CENPU: variants seen among roughly 807,000 people sequenced by gnomAD.
CENPU encodes centromere protein U, also known as KSHV latent nuclear antigen interacting protein 1.
In CENPU, 46 loss-of-function variants were observed where a neutral mutation model predicts 56.7. That is an observed-to-expected ratio of 0.81 (90% CI 0.64 to 1.04). CENPU has a LOEUF of 1.04. Among genes scored for constraint, CENPU ranks in the 50% least tolerant of loss-of-function variants. The pLI is 0.00. For missense variants in CENPU, 510 were observed against 490.1 expected, an observed-to-expected ratio of 1.04 and a Z score of -0.38; for synonymous variants, 166 against 163.0, an observed-to-expected ratio of 1.02 and a Z score of -0.14.
Position 184,694,508 on chromosome 4 carries a change from C to A in CENPU, c.*780G>T. On this transcript the variant is annotated 3_prime_UTR_variant, in exon 13 of 13. Transcript: ENST00000281453. ...TCCTATCCCACTCTCTATCCCTTCACCACTGAAATAAAGGAAGAAGAGTTT... is the reference window on the plus strand; with the variant it reads ...TCCTATCCCACTCTCTATCCCTTCAACACTGAAATAAAGGAAGAAGAGTTT... 6.2e-7 allele frequency: 1 copy of A among 1,608,118 alleles called. No individual in the cohort carries two copies. Among genetic ancestry groups the A allele is most frequent in the Non-Finnish European group, 8.5e-7 (1 of 1,175,492 alleles).
intron 1 of CENPU, among the ~76,000 whole-genome samples, chr4:184,732,740 AT>A (rs1761693767): frequency 6.6e-6 from 1 of 152,218 alleles, no homozygotes; most frequent in African/African-American, 2.4e-5. Context: ...GCGGTGGCTC[AT>A]GCCTGTAATC....
At chr4:184,706,233 G>A (rs1031127826) in intron 8 of CENPU, among the ~76,000 whole-genome samples, 10 of 152,168 alleles carry the variant, frequency 6.6e-5, no homozygotes, top group African/African-American at 2.2e-4. Flanking sequence ...GCCAGTCATG[G>A]TGGCACATGC....
intron 3 of CENPU, among the ~76,000 whole-genome samples, chr4:184,727,983 G>T (rs1761516020): frequency 6.6e-6 from 1 of 152,202 alleles, no homozygotes; most frequent in African/African-American, 2.4e-5. Flanking sequence ...GGGCTTGAAG[G>T]AAGGGGGAAG....
chr4:184,704,725 C>T (rs1337467108), intron 8 of CENPU, among the ~76,000 whole-genome samples: 3 of 152,056 alleles, frequency 2.0e-5, no homozygotes, highest in Non-Finnish European at 2.9e-5. Context: ...ATGAGGTACC[C>T]AGAACAGTTA....
rs1022663932 is a variant in CENPU, at chr4:184,734,058, G to C, written c.5C>G (p.Ala2Gly). The change falls in exon 1 of 13, where the codon GCC becomes GGC. Residue 2 changes from alanine to glycine, a missense_variant. Transcript: ENST00000281453. M[A>G]PRGRRRPRPH... ...CCGCGGCCGCCGCCGCCCCCGCGGG[G>C]CCATGGTGCCGCTCTCCGCTCTCGA... 1.3e-6 allele frequency: 2 copies of C among 1,561,216 alleles called. No individual in the cohort carries two copies. The highest frequency in any genetic ancestry group is 1.7e-6 in the Non-Finnish European group (2 of 1,154,856).
intron 7 of CENPU, 148 bp downstream of exon 7, chr4:184,712,796 A>G (rs978202538): frequency 1.1e-4 from 66 of 577,424 alleles, no homozygotes; most frequent in Non-Finnish European, 3.3e-5. Flanking sequence ...TTAGAAAAAA[A>G]TGTTACTCCA....
rs1380473900 is a variant in CENPU at position 184,694,652 on chromosome 4, A to C, written c.*636T>G. The C allele has an allele frequency of 6.2e-7, 1 of 1,614,158 alleles. No homozygotes were observed. Among genetic ancestry groups the C allele is most frequent in the Non-Finnish European group, 8.5e-7 (1 of 1,180,014 alleles). ...GCTGTCTGGGATAATGGCATTGATGATGCTTATTTTTTAGAAGCTACTGAA... is the reference window on the plus strand; with the variant it reads ...GCTGTCTGGGATAATGGCATTGATGCTGCTTATTTTTTAGAAGCTACTGAA... On this transcript the variant is annotated 3_prime_UTR_variant, in exon 13 of 13. Transcript: ENST00000281453.
chr4:184,731,224 T>C (rs1412866880), intron 1 of CENPU, among the ~76,000 whole-genome samples: 1 of 152,214 alleles, frequency 6.6e-6, no homozygotes, highest in Non-Finnish European at 1.5e-5. Flanking sequence ...AGTGATTGAC[T>C]TTCTCTGCAC....
At chr4:184,703,839 G>A (rs972476444) in intron 8 of CENPU, among the ~76,000 whole-genome samples, 6 of 152,210 alleles carry the variant, frequency 3.9e-5, no homozygotes, top group Non-Finnish European at 7.3e-5. Context: ...AGTCAACGAT[G>A]GATGGCACAT....
chr4:184,731,889 G>GTGTGTGTGTA (rs1761661086), intron 1 of CENPU, among the ~76,000 whole-genome samples: 1 of 150,954 alleles, frequency 6.6e-6, no homozygotes, highest in African/African-American at 2.5e-5. Flanking sequence ...TGCTCTGTGT[G>GTGTGTGTGTA]TGTGTGTGTG....
At chr4:184,723,678 C>T (rs1297905738) in intron 4 of CENPU, among the ~76,000 whole-genome samples, 1 of 151,368 alleles carries the variant, frequency 6.6e-6, no homozygotes, top group Non-Finnish European at 1.5e-5. Context: ...TCCATCTCTA[C>T]TAAAAAATAC....
At chr4:184,703,981 T>C (rs1760633763) in intron 8 of CENPU, among the ~76,000 whole-genome samples, 1 of 152,202 alleles carries the variant, frequency 6.6e-6, no homozygotes. Context: ...AACAAACCTA[T>C]AGTGTTGCCT....
rs533179194 is a variant in CENPU at position 184,710,166 on chromosome 4, C to T, written c.703G>A (p.Val235Met). The change falls in exon 8 of 13, where the codon GTG becomes ATG. Residue 235 changes from valine to methionine, a missense_variant. Coordinates refer to ENST00000281453, the MANE Select transcript of CENPU (RefSeq NM_024629.4). The stretch of plus-strand genomic sequence containing the variant: ...ATTCCTTCTGGACACCAAATGTGCA[C>T]AATGTCAGAAGTATCTAAAATATTA... ...KAIGSDTSDI[V>M]HIWCPEGMKT... 3.7e-6 allele frequency: 6 copies of T among 1,602,974 alleles called. 1 individual carries two copies. In the African/African-American group the frequency reaches 8.0e-5, roughly 21 times the overall value.
At chr4:184,720,652 AACTT>A (rs1183557657) in intron 4 of CENPU, among the ~76,000 whole-genome samples, 2 of 152,184 alleles carry the variant, frequency 1.3e-5, no homozygotes, top group Non-Finnish European at 2.9e-5. Context: ...AGAAATAAAT[AACTT>A]ACAATGGAGC....
rs577174026 is a variant in CENPU, at chr4:184,715,192, T to A, written c.618+1205A>T. ...AGACAGGGTGGCAGGGACAACTTATTATACTTCAAAAAGTTTTCAAACATT... is the reference window on the plus strand; with the variant it reads ...AGACAGGGTGGCAGGGACAACTTATAATACTTCAAAAAGTTTTCAAACATT... On this transcript the variant is annotated intron_variant, in intron 6 of 12. Transcript: ENST00000281453. Among the ~76,000 whole-genome samples the A allele has an allele frequency of 2.6e-5, 4 of 152,334 alleles. No individual in the cohort carries two copies. In the South Asian group the frequency reaches 8.3e-4, roughly 32 times the overall value.
chr4:184,708,036 G>A (rs887116992), intron 8 of CENPU, among the ~76,000 whole-genome samples: 10 of 151,742 alleles, frequency 6.6e-5, no homozygotes, highest in Non-Finnish European at 8.8e-5. Flanking sequence ...CAGACTGGCC[G>A]ACATAGTGAA....
intron 8 of CENPU, among the ~76,000 whole-genome samples, chr4:184,706,492 C>T (rs1025301140): frequency 1.3e-5 from 2 of 152,152 alleles, no homozygotes; most frequent in Non-Finnish European, 2.9e-5. Context: ...AAACATCTGG[C>T]AAAATTCAAT....
At chr4:184,718,579 G>C (rs1228580294) in intron 4 of CENPU, among the ~76,000 whole-genome samples, 1 of 152,244 alleles carries the variant, frequency 6.6e-6, no homozygotes, top group Non-Finnish European at 1.5e-5. Context: ...TGGCATAAGG[G>C]ACAAGGAGGC....
chr4:184,709,516 A>G (rs1199000463), intron 8 of CENPU, among the ~76,000 whole-genome samples: 2 of 152,156 alleles, frequency 1.3e-5, no homozygotes, highest in African/African-American at 4.8e-5. Flanking sequence ...AAATGCTAGC[A>G]AAAGAAAACT....
Sources: allele counts gnomAD v4.1 joint callset (sites outside exome capture counted in the v4.1 genomes callset), GRCh38; gene constraint gnomAD v4.1.1; transcripts MANE v1.5; gene names NCBI Gene and HGNC (gene_info 2026-07-23, HGNC 2026-07-21).